The following MAPK10 variants were observed in gnomAD, a reference collection of about 807,000 sequenced individuals.
The protein encoded by MAPK10 is mitogen-activated protein kinase 10.
In MAPK10, 25 loss-of-function variants were observed where a neutral mutation model predicts 59.3. That is an observed-to-expected ratio of 0.42 (90% CI 0.31 to 0.59). MAPK10 has a LOEUF of 0.59. Among genes scored for constraint, MAPK10 ranks in the 20% least tolerant of loss-of-function variants. The pLI is 0.15. For missense variants in MAPK10, 351 were observed against 568.9 expected, an observed-to-expected ratio of 0.62 and a Z score of 3.90; for synonymous variants, 190 against 200.5, an observed-to-expected ratio of 0.95 and a Z score of 0.44.
At chr4:86,450,263 T>A (rs548344922) in intron 1 of MAPK10, among the ~76,000 whole-genome samples, 12 of 152,342 alleles carry the variant, frequency 7.9e-5, no homozygotes, top group Admixed American at 6.5e-4. Flanking sequence ...CAGAGTGAAG[T>A]ATCAGTATTA....
At chr4:86,419,683 G>A (rs2149032427) in intron 1 of MAPK10, among the ~76,000 whole-genome samples, 1 of 152,148 alleles carries the variant, frequency 6.6e-6, no homozygotes, top group East Asian at 1.9e-4. Context: ...ATAAGAGAAT[G>A]TTCACTGACA....
intron 2 of MAPK10, among the ~76,000 whole-genome samples, chr4:86,230,608 T>C (rs1299324883): frequency 1.3e-5 from 2 of 152,192 alleles, no homozygotes; most frequent in African/African-American, 4.8e-5. Flanking sequence ...CAAATTAATG[T>C]TACCTATATA....
In MAPK10 at chr4:86,029,924, T is replaced by C. The variant is rs535352876; in HGVS notation, c.1175-650A>G. 5.9e-5 allele frequency among the ~76,000 whole-genome samples: 9 copies of C among 152,282 alleles called. No individual in the cohort carries two copies. In the East Asian group the frequency reaches 1.2e-3, roughly 20 times the overall value. The stretch of plus-strand genomic sequence containing the variant: ...TCTCAGACTGGCATCCATTTTTGGC[T>C]TTCTGAATGCTAGAGTTAAATTGGA... On this transcript the variant is annotated intron_variant, in intron 12 of 13. Coordinates refer to ENST00000641462, the MANE Select transcript of MAPK10 (RefSeq NM_138982.4).
intron 1 of MAPK10, among the ~76,000 whole-genome samples, chr4:86,380,328 C>T (rs1262623548): frequency 2.0e-5 from 3 of 152,218 alleles, no homozygotes; most frequent in African/African-American, 7.2e-5. Flanking sequence ...ACAGTTGCCA[C>T]CCTCTTTGCA....
At chr4:86,058,680 A>G (rs1010009369) in intron 11 of MAPK10, among the ~76,000 whole-genome samples, 1 of 147,592 alleles carries the variant, frequency 6.8e-6, no homozygotes, top group Admixed American at 6.7e-5. Flanking sequence ...CTGCATTGCA[A>G]TATGAGAACA....
Position 86,518,955 on chromosome 4 carries a change from T to A in MAPK10, c.-263+74955A>T, listed in dbSNP as rs148593052. Among the ~76,000 whole-genome samples the A allele has an allele frequency of 5.2e-3, 792 of 152,340 alleles. 12 individuals carry two copies. The highest frequency in any genetic ancestry group is 0.034 in the Admixed American group (527 of 15,298). On this transcript the variant is annotated intron_variant, in intron 1 of 4. Transcript: ENST00000502302. ...TTCCTTTTGGAGTTAGTTTCCAATT[T>A]TATTCCACTGTGGTCTGAGAGTGTA...
At chr4:86,034,878 T>C (rs1356568355) in intron 11 of MAPK10, among the ~76,000 whole-genome samples, 1 of 151,992 alleles carries the variant, frequency 6.6e-6, no homozygotes, top group East Asian at 1.9e-4. Flanking sequence ...CAAGTTACAG[T>C]ATGTAGAAAA....
At chr4:86,130,401 T>C (rs2060789247) in intron 4 of MAPK10, among the ~76,000 whole-genome samples, 12 of 152,098 alleles carry the variant, frequency 7.9e-5, no homozygotes. Flanking sequence ...CTATACCATA[T>C]TGAGGAATAT....
At chr4:86,518,029 T>C (rs1238298639) in intron 1 of MAPK10, among the ~76,000 whole-genome samples, 1 of 152,232 alleles carries the variant, frequency 6.6e-6, no homozygotes, top group Non-Finnish European at 1.5e-5. Flanking sequence ...GGTTTTGTTT[T>C]GTTTTGTTTT....
At chr4:86,168,486 C>A (rs1441358940) in intron 3 of MAPK10, among the ~76,000 whole-genome samples, 2 of 152,200 alleles carry the variant, frequency 1.3e-5, no homozygotes, top group African/African-American at 4.8e-5. Flanking sequence ...GATCAAACTG[C>A]AAGGTGGCAG....
chr4:86,330,292 C>G (rs1159422682), intron 2 of MAPK10, among the ~76,000 whole-genome samples: 1 of 152,172 alleles, frequency 6.6e-6, no homozygotes, highest in South Asian at 2.1e-4. Context: ...CCAAGTGAAT[C>G]AAAGCAGATG....
chr4:86,410,094 A>G (rs1290674700), intron 1 of MAPK10, among the ~76,000 whole-genome samples: 1 of 152,130 alleles, frequency 6.6e-6, no homozygotes, highest in Non-Finnish European at 1.5e-5. Flanking sequence ...TAGTTTATTG[A>G]GAGTTTTTAG....
intron 1 of MAPK10, among the ~76,000 whole-genome samples, chr4:86,487,412 G>A (rs568367909): frequency 6.6e-6 from 1 of 151,466 alleles, no homozygotes; most frequent in Admixed American, 6.6e-5. Flanking sequence ...GTATAATAAA[G>A]CAAAGGTAAC....
At chr4:86,476,617 T>A (rs977973879) in intron 1 of MAPK10, among the ~76,000 whole-genome samples, 5 of 152,290 alleles carry the variant, frequency 3.3e-5, no homozygotes, top group African/African-American at 1.2e-4. Context: ...GTTCCTGACA[T>A]GAAATAAAGC....
At chr4:86,319,105 C>T (rs1490279385) in intron 2 of MAPK10, among the ~76,000 whole-genome samples, 1 of 152,166 alleles carries the variant, frequency 6.6e-6, no homozygotes, top group East Asian at 1.9e-4. Flanking sequence ...TTCAATACAT[C>T]ACTTCCACTG....
chr4:86,117,568 TA>T (rs2058470746), intron 4 of MAPK10: 1 of 152,202 alleles, frequency 6.6e-6, no homozygotes, highest in Non-Finnish European at 1.5e-5. Flanking sequence ...CTTCCTATAT[TA>T]AAGATAAAAC....
chr4:86,428,558 GGATAGATAGATA>G (rs547873601), intron 1 of MAPK10, among the ~76,000 whole-genome samples: 1 of 151,866 alleles, frequency 6.6e-6, no homozygotes, highest in Non-Finnish European at 1.5e-5. Context: ...AAACTAAGAT[GGATAGATAGATA>G]GATAGATAGA....
At chr4:86,040,870 T>G (rs1284813739) in intron 11 of MAPK10, 1 of 152,172 alleles carries the variant, frequency 6.6e-6, no homozygotes, top group Non-Finnish European at 1.5e-5. Context: ...AGGAATACTG[T>G]ACCCCACAAA....
chr4:86,236,063 C>G (rs1453144544), intron 2 of MAPK10, among the ~76,000 whole-genome samples: 1 of 152,130 alleles, frequency 6.6e-6, no homozygotes, highest in African/African-American at 2.4e-5. Context: ...TGGCCCCTTA[C>G]TCCACCTTCA....
Sources: allele counts gnomAD v4.1 joint callset (sites outside exome capture counted in the v4.1 genomes callset), GRCh38; gene constraint gnomAD v4.1.1; transcripts MANE v1.5; gene names NCBI Gene and HGNC (gene_info 2026-07-23, HGNC 2026-07-21).